GALNT13: variants seen among roughly 807,000 people sequenced by gnomAD.
GALNT13 encodes the protein UDP-GalNAc:polypeptide N-acetylgalactosaminyltransferase 13.
In GALNT13, 28 loss-of-function variants were observed where a neutral mutation model predicts 64.2. That is an observed-to-expected ratio of 0.44 (90% CI 0.32 to 0.60). GALNT13 has a LOEUF of 0.60. Among genes scored for constraint, GALNT13 ranks in the 20% least tolerant of loss-of-function variants. The pLI, the probability that GALNT13 is intolerant of heterozygous loss-of-function variation, is 0.05. For synonymous variants in GALNT13, 214 were observed against 224.6 expected, an observed-to-expected ratio of 0.95 and a Z score of 0.42; for missense variants, 577 against 669.8, an observed-to-expected ratio of 0.86 and a Z score of 1.53.
At chr2:153,905,695 A>T (rs1319243211) in intron 2 of GALNT13, among the ~76,000 whole-genome samples, 2 of 152,016 alleles carry the variant, frequency 1.3e-5, no homozygotes, top group Non-Finnish European at 2.9e-5. Context: ...CAAGGACAGA[A>T]GAAGCATTCT....
At chr2:153,657,082 G>A in the GALNT13 span, among the ~76,000 whole-genome samples, 2 of 152,132 alleles carry the variant, frequency 1.3e-5, no homozygotes, top group Non-Finnish European at 1.5e-5. Context: ...ATAGCAGTGA[G>A]CATCAGATCT....
chr2:153,382,805 A>G, the GALNT13 span, among the ~76,000 whole-genome samples: 2 of 152,082 alleles, frequency 1.3e-5, no homozygotes, highest in Non-Finnish European at 2.9e-5. Context: ...TTCTTACTCT[A>G]TGACAAAATC....
At chr2:154,140,199 A>G (rs1683179022) in intron 3 of GALNT13, 138 bp from the exon 4 acceptor site, 1 of 582,738 alleles carries the variant, frequency 1.7e-6, no homozygotes, top group Non-Finnish European at 2.9e-6. Context: ...GTTTATAATC[A>G]GTAAAATCTT....
the GALNT13 span, among the ~76,000 whole-genome samples, chr2:153,320,809 G>T: frequency 2.0e-5 from 3 of 152,120 alleles, no homozygotes; most frequent in Non-Finnish European, 4.4e-5. Flanking sequence ...AAAAGAGAAT[G>T]ATTATAAGTA....
At chr2:154,445,918 G>T in intron 12 of GALNT13, 1 of 658,670 alleles carries the variant, frequency 1.5e-6, no homozygotes, top group Non-Finnish European at 2.4e-6. Flanking sequence ...GCAAGAAACA[G>T]ACAGATAAAT....
the GALNT13 span, among the ~76,000 whole-genome samples, chr2:153,624,878 G>C: frequency 6.7e-6 from 1 of 148,862 alleles, no homozygotes; most frequent in African/African-American, 2.5e-5. Context: ...AGATAGTTCA[G>C]AAGACAGTTG....
intron 9 of GALNT13, among the ~76,000 whole-genome samples, chr2:154,308,770 G>T (rs1693878152): frequency 6.6e-6 from 1 of 152,106 alleles, no homozygotes; most frequent in Non-Finnish European, 1.5e-5. Flanking sequence ...TTATTTTAAA[G>T]TGCCATGTTA....
At chr2:153,079,509 G>A in the GALNT13 span, among the ~76,000 whole-genome samples, 1 of 152,216 alleles carries the variant, frequency 6.6e-6, no homozygotes, top group Non-Finnish European at 1.5e-5. Flanking sequence ...TATCTGATTG[G>A]TTTAATTTCA....
the GALNT13 span, among the ~76,000 whole-genome samples, chr2:153,319,769 C>T: frequency 1.2e-4 from 19 of 152,174 alleles, no homozygotes; most frequent in Admixed American, 9.2e-4. Context: ...AGATCCTCAC[C>T]GTATTCCTTT....
At chr2:153,554,934 C>CA in the GALNT13 span, among the ~76,000 whole-genome samples, 1 of 152,060 alleles carries the variant, frequency 6.6e-6, no homozygotes, top group Non-Finnish European at 1.5e-5. Context: ...TATTAGAATG[C>CA]AAACTCTGTT....
At chr2:153,687,736 A>T in the GALNT13 span, among the ~76,000 whole-genome samples, 1 of 152,072 alleles carries the variant, frequency 6.6e-6, no homozygotes, top group African/African-American at 2.4e-5. Flanking sequence ...CACCAATCCT[A>T]TCAAAAGGAA....
At chr2:153,528,393 T>C in the GALNT13 span, among the ~76,000 whole-genome samples, 1 of 152,014 alleles carries the variant, frequency 6.6e-6, no homozygotes, top group Non-Finnish European at 1.5e-5. Context: ...AATTTTAGTA[T>C]ATATGCACTC....
At chr2:153,553,720 C>T in the GALNT13 span, among the ~76,000 whole-genome samples, 1 of 152,054 alleles carries the variant, frequency 6.6e-6, no homozygotes, top group Non-Finnish European at 1.5e-5. Flanking sequence ...ATGACAACTC[C>T]CCATTTCCAG....
intron 3 of GALNT13, among the ~76,000 whole-genome samples, chr2:154,132,611 C>T (rs1354353288): frequency 6.6e-6 from 1 of 151,834 alleles, no homozygotes; most frequent in African/African-American, 2.4e-5. Context: ...CAGGGCTGGG[C>T]ACAGTAGCTC....
intron 3 of GALNT13, among the ~76,000 whole-genome samples, chr2:154,028,807 T>C (rs1698149524): frequency 6.6e-6 from 1 of 151,976 alleles, no homozygotes; most frequent in Admixed American, 6.6e-5. Context: ...TCCAAATCCT[T>C]TTTGAGGATA....
the GALNT13 span, among the ~76,000 whole-genome samples, chr2:153,635,596 A>G: frequency 1.3e-5 from 2 of 152,022 alleles, no homozygotes; most frequent in African/African-American, 2.4e-5. Flanking sequence ...TTAAAAGTTT[A>G]TAGCCTAGGA....
the GALNT13 span, among the ~76,000 whole-genome samples, chr2:153,419,232 C>CT: frequency 6.6e-6 from 1 of 152,106 alleles, no homozygotes. Context: ...GCAAAAGGGG[C>CT]TTATAAAACC....
intron 8 of GALNT13, among the ~76,000 whole-genome samples, chr2:154,277,772 T>C (rs899002113): frequency 6.6e-6 from 1 of 152,298 alleles, no homozygotes; most frequent in Non-Finnish European, 1.5e-5. Context: ...AACCAAACAA[T>C]ATTTACAACA....
In GALNT13 at chr2:154,249,550, T is replaced by C. The variant is rs114694021; in HGVS notation, c.857+3568T>C. 6.5e-3 allele frequency among the ~76,000 whole-genome samples: 991 copies of C among 152,292 alleles called. 10 individuals carry two copies. The highest frequency in any genetic ancestry group is 0.023 in the African/African-American group (952 of 41,560). ...CATTTCCACTTTAATTTCACACTGA[T>C]TAAAATAGATTTTTTAAATGAAAAA... On this transcript the variant is annotated intron_variant, in intron 7 of 12. Transcript: ENST00000392825.
Sources: allele counts gnomAD v4.1 joint callset (sites outside exome capture counted in the v4.1 genomes callset), GRCh38; gene constraint gnomAD v4.1.1; transcripts MANE v1.5; gene names NCBI Gene and HGNC (gene_info 2026-07-23, HGNC 2026-07-21).